The following BANK1 variants were observed in gnomAD, a reference collection of about 807,000 sequenced individuals.
BANK1 encodes the protein B cell scaffold protein with ankyrin repeats 1.
In BANK1, 95 loss-of-function variants were observed where a neutral mutation model predicts 94.5. The ratio of observed to expected loss-of-function variants is 1.00; its 90% CI spans 0.85 to 1.19. The LOEUF is 1.19. Among genes scored for constraint, BANK1 ranks in the 50% most tolerant of loss-of-function variants. The pLI is 0.00. For synonymous variants in BANK1, 334 were observed against 308.4 expected (o/e 1.08, Z -0.87); for missense variants, 987 against 932.2 (o/e 1.06, Z -0.77).
chr4:101,999,747 A>C (rs1725997885), intron 7 of BANK1, among the ~76,000 whole-genome samples: 1 of 152,222 alleles, frequency 6.6e-6, no homozygotes, highest in Non-Finnish European at 1.5e-5. Context: ...AAAGAAAGGA[A>C]ATAGCTCAGT....
chr4:101,884,327 A>G (rs777548364), intron 5 of BANK1, among the ~76,000 whole-genome samples: 6 of 152,134 alleles, frequency 3.9e-5, no homozygotes, highest in African/African-American at 9.7e-5. Flanking sequence ...AATTAACACC[A>G]TTGACCAAAG....
At chr4:101,951,903 A>T (rs974425805) in intron 7 of BANK1, among the ~76,000 whole-genome samples, 4 of 152,012 alleles carry the variant, frequency 2.6e-5, no homozygotes, top group African/African-American at 9.7e-5. Context: ...TCATAAGTAG[A>T]AAAATTTGAA....
At chr4:101,986,996 G>A (rs202133113) in intron 7 of BANK1, among the ~76,000 whole-genome samples, 4 of 131,200 alleles carry the variant, frequency 3.0e-5, no homozygotes, top group Non-Finnish European at 3.1e-5. Flanking sequence ...AAGAACAAAA[G>A]AAAAAAAAAA....
chr4:102,046,643 C>A (rs930458771), intron 11 of BANK1, among the ~76,000 whole-genome samples: 1 of 152,244 alleles, frequency 6.6e-6, no homozygotes, highest in South Asian at 2.1e-4. Context: ...TTTAACTGTT[C>A]TCTTGCCTTC....
At chr4:101,797,160 A>C (rs534869913) in intron 1 of BANK1, among the ~76,000 whole-genome samples, 1 of 152,186 alleles carries the variant, frequency 6.6e-6, no homozygotes. Flanking sequence ...CAAGAATTCA[A>C]TGTGTTCTTG....
rs192758150 is a variant in BANK1 at position 101,995,202 on chromosome 4, T to G, written c.1207-26312T>G. Among the ~76,000 whole-genome samples the G allele has an allele frequency of 4.3e-3, 648 of 152,248 alleles. 9 individuals carry two copies. The highest frequency in any genetic ancestry group is 0.015 in the African/African-American group (636 of 41,548). On this transcript the variant is annotated intron_variant, in intron 7 of 16. Transcript: ENST00000322953. Reference sequence around the variant, plus strand: ...TGAGTGAGAACATGTGGTATTTGGTTTTCTGTTCCTGTGTTAGTTTGCTGA... The same window carrying G: ...TGAGTGAGAACATGTGGTATTTGGTGTTCTGTTCCTGTGTTAGTTTGCTGA...
At chr4:101,971,837 C>T (rs1376033888) in intron 7 of BANK1, among the ~76,000 whole-genome samples, 1 of 151,996 alleles carries the variant, frequency 6.6e-6, no homozygotes, top group Non-Finnish European at 1.5e-5. Flanking sequence ...CTGTTCCATT[C>T]GTTGATACCT....
At chr4:101,926,439 A>G (rs1033194111) in intron 7 of BANK1, among the ~76,000 whole-genome samples, 1 of 151,748 alleles carries the variant, frequency 6.6e-6, no homozygotes, top group African/African-American at 2.4e-5. Flanking sequence ...TTTTACATAA[A>G]TTAATCAACT....
intron 7 of BANK1, among the ~76,000 whole-genome samples, chr4:102,003,357 G>A (rs998884756): frequency 1.3e-5 from 2 of 152,166 alleles, no homozygotes; most frequent in Non-Finnish European, 2.9e-5. Context: ...TGCTCCAGCT[G>A]ACTTCAGTTA....
intron 6 of BANK1, among the ~76,000 whole-genome samples, chr4:101,912,462 G>A (rs532781256): frequency 4.4e-4 from 67 of 151,658 alleles, no homozygotes; most frequent in Admixed American, 1.1e-3. Context: ...TATTGGTCAC[G>A]GTTCTCAAGA....
chr4:102,006,699 T>C (rs769658464), intron 7 of BANK1, among the ~76,000 whole-genome samples: 3 of 152,030 alleles, frequency 2.0e-5, no homozygotes. Flanking sequence ...GATTTCATAA[T>C]TTTTAATTCC....
At chr4:101,968,394 C>T (rs1208948573) in intron 7 of BANK1, among the ~76,000 whole-genome samples, 1 of 152,018 alleles carries the variant, frequency 6.6e-6, no homozygotes, top group Non-Finnish European at 1.5e-5. Flanking sequence ...GATATGTCTG[C>T]TGAAATGGCA....
At chr4:101,831,377 C>A (rs1032815384) in intron 2 of BANK1, among the ~76,000 whole-genome samples, 1 of 152,220 alleles carries the variant, frequency 6.6e-6, no homozygotes, top group African/African-American at 2.4e-5. Context: ...AAGCTTTTCT[C>A]ACTATACTTC....
chr4:101,928,014 A>T (rs1357985910), intron 7 of BANK1, among the ~76,000 whole-genome samples: 1 of 151,692 alleles, frequency 6.6e-6, no homozygotes, highest in Non-Finnish European at 1.5e-5. Context: ...CTAAGATAGG[A>T]CAGATAATCA....
At chr4:102,028,668 T>G (rs559818625) in intron 9 of BANK1, among the ~76,000 whole-genome samples, 3 of 152,182 alleles carry the variant, frequency 2.0e-5, no homozygotes, top group Non-Finnish European at 4.4e-5. Flanking sequence ...TTAAAATTCT[T>G]TTTAATTTAC....
At chr4:102,015,863 T>C (rs1026139230) in intron 7 of BANK1, among the ~76,000 whole-genome samples, 22 of 152,318 alleles carry the variant, frequency 1.4e-4, no homozygotes, top group African/African-American at 5.3e-4. Context: ...TTACTAGAAT[T>C]ATTTTTCTAA....
At chr4:101,822,078 G>A (rs1726173211) in intron 1 of BANK1, among the ~76,000 whole-genome samples, 1 of 152,148 alleles carries the variant, frequency 6.6e-6, no homozygotes, top group South Asian at 2.1e-4. Flanking sequence ...CACTTGGCAA[G>A]GCGTGGTGGC....
chr4:101,865,830 ACT>A (rs1728049628), intron 4 of BANK1, among the ~76,000 whole-genome samples: 1 of 152,008 alleles, frequency 6.6e-6, no homozygotes, highest in Non-Finnish European at 1.5e-5. Flanking sequence ...CAAGATTCAG[ACT>A]CTGTCTCGGT....
intron 13 of BANK1, among the ~76,000 whole-genome samples, chr4:102,070,827 C>T (rs1280406254): frequency 6.6e-6 from 1 of 152,154 alleles, no homozygotes; most frequent in Non-Finnish European, 1.5e-5. Flanking sequence ...GAATATTCTA[C>T]GGAGATAAAA....
Sources: gnomAD v4.1 joint callset for allele counts (sites outside exome capture counted in the v4.1 genomes callset) on GRCh38, gnomAD v4.1.1 for gene constraint, MANE v1.5 for transcripts, NCBI Gene and HGNC (gene_info 2026-07-23, HGNC 2026-07-21) for gene names.